Variants in CYP20A1 observed in about 807,000 individuals in gnomAD.
CYP20A1 encodes the protein cytochrome P450 family 20 subfamily A member 1.
A neutral mutation model predicts 61.4 loss-of-function variants in CYP20A1; 61 were observed. The observed-to-expected ratio is 0.99, with a 90% CI of 0.81 to 1.23. The LOEUF (loss-of-function observed/expected upper bound fraction) is 1.23, where lower values mean the gene tolerates loss of function less well. CYP20A1 is among the 50% of genes most tolerant of loss of function. The pLI is 0.00. For synonymous variants in CYP20A1, 193 were observed against 188.2 expected, an observed-to-expected ratio of 1.03 and a Z score of -0.21; for missense variants, 530 against 542.4, an observed-to-expected ratio of 0.98 and a Z score of 0.23.
At chr2:203,251,793 G>GTATATATATATATATATA (rs34020768) in intron 3 of CYP20A1, among the ~76,000 whole-genome samples, 174 bp from the exon 4 acceptor site, 2 of 64,178 alleles carry the variant, frequency 3.1e-5, no homozygotes, top group African/African-American at 8.2e-5. Flanking sequence ...ATATATATGT[G>GTATATATATATATATATA]TATATATATA....
chr2:203,271,699 G>A (rs1476919105), intron 5 of CYP20A1, among the ~76,000 whole-genome samples: 1 of 152,046 alleles, frequency 6.6e-6, no homozygotes, highest in African/African-American at 2.4e-5. Flanking sequence ...ACAGAAATTT[G>A]TAATTACCTG....
chr2:203,257,952 A>C (rs2066965347), intron 4 of CYP20A1, among the ~76,000 whole-genome samples: 4 of 152,244 alleles, frequency 2.6e-5, no homozygotes, highest in Admixed American at 6.5e-5. Flanking sequence ...CCTGGGCTCA[A>C]GTGCAGTGGC....
In CYP20A1 at chr2:203,244,126, C is replaced by T. The variant is rs545518584; in HGVS notation, c.73-1720C>T. 7.7e-5 allele frequency among the ~76,000 whole-genome samples: 11 copies of T among 143,498 alleles called. No individual in the cohort carries two copies. In the East Asian group the frequency reaches 1.5e-3, roughly 20 times the overall value. The allele number at this position is 143,498 out of a possible 152,430, so 94.1% of individuals were successfully genotyped here. On this transcript the variant is annotated intron_variant, in intron 1 of 12. Coordinates refer to ENST00000356079, the MANE Select transcript of CYP20A1 (RefSeq NM_177538.3). Reference sequence around the variant, plus strand: ...CTATGCTCCCAATTAAATGCCCCCGCCCCCCGTCTCTTCACTCCTGTACTA... The same window carrying T: ...CTATGCTCCCAATTAAATGCCCCCGTCCCCCGTCTCTTCACTCCTGTACTA...
intron 1 of CYP20A1, among the ~76,000 whole-genome samples, chr2:203,240,692 C>T (rs1055744400): frequency 6.6e-6 from 1 of 152,080 alleles, no homozygotes; most frequent in South Asian, 2.1e-4. Flanking sequence ...GAGGGAGACA[C>T]GCCTGGTGTG....
intron 5 of CYP20A1, among the ~76,000 whole-genome samples, chr2:203,268,389 C>T (rs1020419972): frequency 6.6e-6 from 1 of 152,140 alleles, no homozygotes; most frequent in Non-Finnish European, 1.5e-5. Context: ...CTCAGCTTTT[C>T]TTCATTTCTA....
intron 2 of CYP20A1, 37 bp from the exon 3 acceptor site, chr2:203,246,718 A>C (rs1461935279): frequency 6.3e-7 from 1 of 1,581,134 alleles, no homozygotes; most frequent in Non-Finnish European, 8.6e-7. Context: ...TTTCCAAATT[A>C]AATTGATTAT....
chr2:203,244,997 G>A (rs1575164028), intron 1 of CYP20A1, among the ~76,000 whole-genome samples: 2 of 150,486 alleles, frequency 1.3e-5, no homozygotes, highest in East Asian at 3.9e-4. Context: ...CTCCCAAAGT[G>A]CTGGGATTAC....
rs910889155 is a variant in CYP20A1 at position 203,305,688 on chromosome 2, A to G, written c.*8780A>G. On this transcript the variant is annotated 3_prime_UTR_variant, in exon 13 of 13. Coordinates refer to ENST00000356079, the MANE Select transcript of CYP20A1 (RefSeq NM_177538.3). ...AATTTTAAACACTTGATGGTATGAAATGAAATTTTGTTACTTTACCATTGT... is the reference window on the plus strand; with the variant it reads ...AATTTTAAACACTTGATGGTATGAAGTGAAATTTTGTTACTTTACCATTGT... 6.6e-6 allele frequency: 1 copy of G among 152,204 alleles called. No individual in the cohort carries two copies. Among genetic ancestry groups the G allele is most frequent in the Non-Finnish European group, 1.5e-5 (1 of 68,038 alleles). 9.4% of individuals were successfully genotyped at this position (152,204 alleles called of 1,614,324 possible).
chr2:203,281,794 CTG>C (rs2068053954), intron 8 of CYP20A1, among the ~76,000 whole-genome samples: 1 of 151,858 alleles, frequency 6.6e-6, no homozygotes, highest in East Asian at 1.9e-4. Flanking sequence ...GAGCGACACT[CTG>C]TCTCAAAAAA....
chr2:203,271,189 G>A (rs1367235254), intron 5 of CYP20A1, among the ~76,000 whole-genome samples: 3 of 142,780 alleles, frequency 2.1e-5, no homozygotes, highest in African/African-American at 5.3e-5. Context: ...CCGGGTTCAC[G>A]CCATTCTTCT....
intron 11 of CYP20A1, among the ~76,000 whole-genome samples, chr2:203,295,624 G>A (rs778469771): frequency 1.3e-5 from 2 of 151,998 alleles, no homozygotes; most frequent in African/African-American, 2.4e-5. Flanking sequence ...TGGTTTTCTC[G>A]AGAAATATAT....
At chr2:203,283,553 T>A (rs981429387) in intron 8 of CYP20A1, among the ~76,000 whole-genome samples, 8 of 145,216 alleles carry the variant, frequency 5.5e-5, no homozygotes, top group Non-Finnish European at 1.2e-4. Context: ...TATATTAATT[T>A]TTTTTTTTTT....
chr2:203,247,510 T>C (rs2066502384), intron 3 of CYP20A1, among the ~76,000 whole-genome samples: 1 of 152,076 alleles, frequency 6.6e-6, no homozygotes, highest in Non-Finnish European at 1.5e-5. Context: ...TTCCAAGGTA[T>C]ATCTGGAAGA....
intron 3 of CYP20A1, among the ~76,000 whole-genome samples, chr2:203,249,548 TA>T (rs2066582689): frequency 6.6e-6 from 1 of 151,976 alleles, no homozygotes; most frequent in Admixed American, 6.6e-5. Flanking sequence ...CCTTAAAAAC[TA>T]ATAAGAAAAA....
chr2:203,305,161 C>G lies in CYP20A1; in HGVS notation c.*8253C>G, dbSNP rs2069167877. ...TAAATCACACTCTTCCAGTTCTACT[C>G]CCAATTTAATTGGTTTACAGTTCGG... On this transcript the variant is annotated 3_prime_UTR_variant, in exon 13 of 13. Coordinates refer to ENST00000356079, the MANE Select transcript of CYP20A1 (RefSeq NM_177538.3). 6.7e-6 allele frequency among the ~76,000 whole-genome samples: 1 copy of G among 150,120 alleles called. No individual in the cohort carries two copies. The highest frequency in any genetic ancestry group is 2.1e-4 in the South Asian group (1 of 4,748).
intron 6 of CYP20A1, 125 bp from the exon 7 acceptor site, chr2:203,278,448 T>G: frequency 2.1e-6 from 1 of 481,298 alleles, no homozygotes; most frequent in Non-Finnish European, 3.7e-6. Context: ...AAATTAGCTT[T>G]CTTTGTTGTT....
At chr2:203,267,070 A>G (rs1575211455) in intron 5 of CYP20A1, among the ~76,000 whole-genome samples, 2 of 150,046 alleles carry the variant, frequency 1.3e-5, no homozygotes, top group Non-Finnish European at 3.0e-5. Flanking sequence ...GGCAGGAGGG[A>G]TTGATTACTT....
Position 203,303,753 on chromosome 2 carries a change from G to A in CYP20A1, c.*6845G>A, listed in dbSNP as rs2069114035. Among the ~76,000 whole-genome samples, 2 of 151,604 alleles carry A rather than the reference G, an allele frequency of 1.3e-5. No homozygotes were observed. Among genetic ancestry groups the A allele is most frequent in the Non-Finnish European group, 2.9e-5 (2 of 67,922 alleles). On this transcript the variant is annotated 3_prime_UTR_variant, in exon 13 of 13. Coordinates refer to ENST00000356079, the MANE Select transcript of CYP20A1 (RefSeq NM_177538.3). ...TAACTGGCCTTTGGGGCACATGCCT[G>A]TAATCCCAGCTTCTTGGGAGGCTGA...
rs897187374 is a variant in CYP20A1 at position 203,304,096 on chromosome 2, G to A, written c.*7188G>A. ...TTAGTGGGTGTGGAGGCGGGCGAAT[G>A]TAATCCCAGCTAGTTGAGAGGCTGA... On this transcript the variant is annotated 3_prime_UTR_variant, in exon 13 of 13. Coordinates refer to ENST00000356079, the MANE Select transcript of CYP20A1 (RefSeq NM_177538.3). 1.8e-4 allele frequency among the ~76,000 whole-genome samples: 27 copies of A among 151,386 alleles called. No individual in the cohort carries two copies. The highest frequency in any genetic ancestry group is 3.4e-4 in the Non-Finnish European group (23 of 67,830).
Sources: allele counts gnomAD v4.1 joint callset (sites outside exome capture counted in the v4.1 genomes callset), GRCh38; gene constraint gnomAD v4.1.1; transcripts MANE v1.5; gene names NCBI Gene and HGNC (gene_info 2026-07-23, HGNC 2026-07-21).